The following YIPF4 variants were observed in gnomAD, a reference collection of about 807,000 sequenced individuals.
The protein encoded by YIPF4 is Yip1 domain family member 4, also known as protein YIPF4.
A neutral mutation model predicts 29.4 loss-of-function variants in YIPF4; 18 were observed. That is an observed-to-expected ratio of 0.61 (90% CI 0.42 to 0.91). The LOEUF is 0.91. Ranked by LOEUF, YIPF4 falls within the 40% of genes least tolerant of loss-of-function variation. The pLI is 0.00. For synonymous variants in YIPF4, 115 were observed against 104.7 expected, an observed-to-expected ratio of 1.10 and a Z score of -0.60; for missense variants, 279 against 282.7, an observed-to-expected ratio of 0.99 and a Z score of 0.09.
chr2:32,300,402 C>G (rs545231471), intron 4 of YIPF4, among the ~76,000 whole-genome samples: 1 of 150,554 alleles, frequency 6.6e-6, no homozygotes, highest in South Asian at 2.1e-4. Context: ...CCACTGCACT[C>G]CAGTGTGGGC....
Position 32,278,137 on chromosome 2 carries a change from G to T in YIPF4, c.-19G>T. On this transcript the variant is annotated 5_prime_UTR_variant, in exon 1 of 6. Transcript: ENST00000238831. Reference sequence around the variant, plus strand: ...AGCCGCAGCCTCTTCTACCGCGGCCGGTTGGGAGTCGCCGCGAGATGCAGC... The same window carrying T: ...AGCCGCAGCCTCTTCTACCGCGGCCTGTTGGGAGTCGCCGCGAGATGCAGC... 6.5e-7 allele frequency: 1 copy of T among 1,546,562 alleles called. No individual in the cohort carries two copies. The highest frequency in any genetic ancestry group is 8.7e-7 in the Non-Finnish European group (1 of 1,146,600).
rs2031718380 is a variant in YIPF4 at position 32,311,682 on chromosome 2, T to C, written c.*6056T>C. ...AAAAAGGAAGCATTCCCACCTGTAA[T>C]AATTTTGTTAACACTAGACTATCAG... On this transcript the variant is annotated 3_prime_UTR_variant, in exon 6 of 6. Coordinates refer to ENST00000238831, the MANE Select transcript of YIPF4 (RefSeq NM_032312.4). The C allele has an allele frequency of 6.6e-6, 1 of 152,224 alleles. No individual in the cohort carries two copies. Among genetic ancestry groups the C allele is most frequent in the African/African-American group, 2.4e-5 (1 of 41,462 alleles). The allele number at this position is 152,224 out of a possible 1,614,324, so 9.4% of individuals were successfully genotyped here. A position where few individuals can be genotyped will look rare whatever the true frequency, so the allele number is the denominator to read the frequency against.
At position 32,307,249 on chromosome 2, in the gene YIPF4, G is replaced by A; in HGVS notation, c.*1623G>A. ...CTGAGGTTAATACTTTGTTATAATG[G>A]ATTATAATATTTGACATTCATAGTG... On this transcript the variant is annotated 3_prime_UTR_variant, in exon 6 of 6. Transcript: ENST00000238831. 1 of 762,978 alleles carries A rather than the reference G, an allele frequency of 1.3e-6. No individual in the cohort carries two copies. The highest frequency in any genetic ancestry group is 2.2e-5 in the South Asian group (1 of 46,086). The allele number at this position is 762,978 out of a possible 1,614,324, so 47.3% of individuals were successfully genotyped here. A position where few individuals can be genotyped will look rare whatever the true frequency, so the allele number is the denominator to read the frequency against.
At chr2:32,293,947 C>A (rs1573534786) in intron 3 of YIPF4, among the ~76,000 whole-genome samples, 1 of 145,638 alleles carries the variant, frequency 6.9e-6, no homozygotes. Context: ...GGGGGCTGAC[C>A]CCCCCAACCT....
In YIPF4 at chr2:32,306,045, A is replaced by G; in HGVS notation, c.*419A>G. On this transcript the variant is annotated 3_prime_UTR_variant, in exon 6 of 6. Transcript: ENST00000238831. ...CCAGCATCACAGATCCTGCAGATAT[A>G]TATTTATATTTATACATATATATTT... 1.2e-6 allele frequency: 1 copy of G among 842,024 alleles called. No individual in the cohort carries two copies. The highest frequency in any genetic ancestry group is 1.4e-6 in the Non-Finnish European group (1 of 699,548). The allele number at this position is 842,024 out of a possible 1,614,324, so 52.2% of individuals were successfully genotyped here.
intron 1 of YIPF4, among the ~76,000 whole-genome samples, chr2:32,288,024 A>G (rs1482001187): frequency 6.6e-6 from 1 of 152,166 alleles, no homozygotes; most frequent in African/African-American, 2.4e-5. Flanking sequence ...TAAATCAGCC[A>G]TGCTCCTGGA....
At chr2:32,278,613 G>A (rs572311248) in intron 1 of YIPF4, among the ~76,000 whole-genome samples, 2 of 152,238 alleles carry the variant, frequency 1.3e-5, no homozygotes, top group Admixed American at 6.5e-5. Flanking sequence ...ATGAGAAAAA[G>A]GAAGGAGGGC....
chr2:32,307,066 A>G lies in YIPF4; in HGVS notation c.*1440A>G. 8.0e-7 allele frequency: 1 copy of G among 1,253,924 alleles called. No individual in the cohort carries two copies. The highest frequency in any genetic ancestry group is 1.0e-6 in the Non-Finnish European group (1 of 961,824). 77.7% of individuals were successfully genotyped at this position (1,253,924 alleles called of 1,614,324 possible). A position where few individuals can be genotyped will look rare whatever the true frequency, so the allele number is the denominator to read the frequency against. On this transcript the variant is annotated 3_prime_UTR_variant, in exon 6 of 6. Coordinates refer to ENST00000238831, the MANE Select transcript of YIPF4 (RefSeq NM_032312.4). ...TGTGGAGCACTTTTGAGCTAGAATA[A>G]TGTAGAAAATTACATGTACTGATTT...
intron 1 of YIPF4, among the ~76,000 whole-genome samples, chr2:32,286,656 C>G (rs1429041375): frequency 2.0e-5 from 3 of 152,074 alleles, no homozygotes; most frequent in African/African-American, 7.2e-5. Context: ...AGTGATTCTC[C>G]TGCCTCAGCC....
chr2:32,278,178 C>T lies in YIPF4; in HGVS notation c.23C>T (p.Pro8Leu), dbSNP rs1411077914. The T allele has an allele frequency of 1.3e-6, 2 of 1,570,860 alleles. No homozygotes were observed. Among genetic ancestry groups the T allele is most frequent in the Non-Finnish European group, 1.7e-6 (2 of 1,158,844 alleles). The change falls in exon 1 of 6, where the codon CCG becomes CTG. Residue 8 changes from proline (P) to leucine (L), a missense_variant. Pro to Leu is a moderately conservative substitution (Grantham distance 98). Transcript: ENST00000238831. ...GAGATGCAGCCTCCGGGCCCGCCCCCGGCCTATGCCCCCACTAACGGGGAC... is the reference window on the plus strand; with the variant it reads ...GAGATGCAGCCTCCGGGCCCGCCCCTGGCCTATGCCCCCACTAACGGGGAC... MQPPGPP[P>L]AYAPTNGDFT... is the part of the protein sequence containing the mutation.
chr2:32,295,711 C>G (rs996571566), intron 3 of YIPF4, among the ~76,000 whole-genome samples: 1 of 152,188 alleles, frequency 6.6e-6, no homozygotes. Flanking sequence ...TCAAGTGATT[C>G]TTCTGCCTCA....
chr2:32,302,833 T>A (rs2031451576), intron 5 of YIPF4, among the ~76,000 whole-genome samples: 1 of 152,174 alleles, frequency 6.6e-6, no homozygotes, highest in Non-Finnish European at 1.5e-5. Flanking sequence ...ATTACTAATT[T>A]CAATATAAAA....
chr2:32,296,130 A>G lies in YIPF4; in HGVS notation c.406-2104A>G, dbSNP rs188301653. Among the ~76,000 whole-genome samples the G allele has an allele frequency of 3.3e-5, 5 of 152,326 alleles. No individual in the cohort carries two copies. In the East Asian group the frequency reaches 9.6e-4, roughly 29 times the overall value. ...TACCTACCACTGGTTCTTCATCTAG[A>G]ACATCTCTAATTGTATCTGTTTTGT... On this transcript the variant is annotated intron_variant, in intron 3 of 5. Coordinates refer to ENST00000238831, the MANE Select transcript of YIPF4 (RefSeq NM_032312.4).
chr2:32,282,864 CAGG>C (rs1177259164), intron 1 of YIPF4, among the ~76,000 whole-genome samples: 1 of 151,846 alleles, frequency 6.6e-6, no homozygotes, highest in Non-Finnish European at 1.5e-5. Context: ...ATCACGAGGT[CAGG>C]AGATCAAGAC....
chr2:32,287,500 A>G (rs2148959807), intron 1 of YIPF4, among the ~76,000 whole-genome samples: 1 of 152,268 alleles, frequency 6.6e-6, no homozygotes, highest in Middle Eastern at 3.4e-3. Context: ...CAAAATGTTC[A>G]TTGTTTATTG....
Position 32,278,109 on chromosome 2 carries a change from C to T in YIPF4, c.-47C>T, listed in dbSNP as rs1048088617. ...CGCCGCGGCCGCCTCGGGGTCTGGG[C>T]CCAGCCGCAGCCTCTTCTACCGCGG... On this transcript the variant is annotated 5_prime_UTR_variant, in exon 1 of 6. Coordinates refer to ENST00000238831, the MANE Select transcript of YIPF4 (RefSeq NM_032312.4). 1.1e-5 allele frequency: 16 copies of T among 1,520,560 alleles called. No homozygotes were observed. The highest frequency in any genetic ancestry group is 5.1e-5 in the East Asian group (2 of 39,264). 94.2% of individuals were successfully genotyped at this position (1,520,560 alleles called of 1,614,324 possible).
At chr2:32,293,599 T>C (rs969386653) in intron 3 of YIPF4, among the ~76,000 whole-genome samples, 1 of 152,200 alleles carries the variant, frequency 6.6e-6, no homozygotes, top group Non-Finnish European at 1.5e-5. Flanking sequence ...CTCAATGAGC[T>C]GTTGGGTACA....
chr2:32,286,360 A>T (rs1042938775), intron 1 of YIPF4, among the ~76,000 whole-genome samples: 2 of 152,196 alleles, frequency 1.3e-5, no homozygotes, highest in Non-Finnish European at 2.9e-5. Context: ...ATTTTTCAAA[A>T]TAAAAATTTA....
rs2031752325 is a variant in YIPF4, at chr2:32,313,232, T to A, written c.*7606T>A. The A allele has an allele frequency of 6.6e-6, 1 of 152,132 alleles. No homozygotes were observed. The highest frequency in any genetic ancestry group is 2.4e-5 in the African/African-American group (1 of 41,426). The allele number at this position is 152,132 out of a possible 1,614,324, so 9.4% of individuals were successfully genotyped here. On this transcript the variant is annotated 3_prime_UTR_variant, in exon 6 of 6. Transcript: ENST00000238831. ...AGAAGGTAGGGAAGACTCTTTCAGA[T>A]AGAATCGCAGTTTGTGAGTTTGCTT...
Sources: gnomAD v4.1 joint callset for allele counts (sites outside exome capture counted in the v4.1 genomes callset) on GRCh38, gnomAD v4.1.1 for gene constraint, MANE v1.5 for transcripts, NCBI Gene and HGNC (gene_info 2026-07-23, HGNC 2026-07-21) for gene names.